TSHZ2: variants seen among roughly 807,000 people sequenced by gnomAD.
TSHZ2 encodes the protein teashirt homolog 2.
A neutral mutation model predicts 74.4 loss-of-function variants in TSHZ2; 21 were observed. The ratio of observed to expected loss-of-function variants is 0.28; its 90% CI spans 0.20 to 0.41. TSHZ2 has a LOEUF of 0.41. TSHZ2 is among the 10% of genes least tolerant of loss of function. The probability of loss-of-function intolerance (pLI) is 1.00; values close to 1 mark genes in which losing one functional copy is unlikely to be tolerated. For synonymous variants in TSHZ2, 540 were observed against 515.3 expected, an observed-to-expected ratio of 1.05 and a Z score of -0.65; for missense variants, 1,244 against 1,293.5, an observed-to-expected ratio of 0.96 and a Z score of 0.59.
At chr20:53,013,989 T>C (rs1982944096) in intron 1 of TSHZ2, among the ~76,000 whole-genome samples, 1 of 152,162 alleles carries the variant, frequency 6.6e-6, no homozygotes, top group African/African-American at 2.4e-5. Context: ...GGGGATGATA[T>C]GAAAGTGAAA....
In TSHZ2 at chr20:53,036,749, T is replaced by C. The variant is rs200551875; in HGVS notation, c.40+63416T>C. On this transcript the variant is annotated intron_variant, in intron 1 of 2. Coordinates refer to ENST00000371497, the MANE Select transcript of TSHZ2 (RefSeq NM_173485.6). Reference sequence around the variant, plus strand: ...GTATTTATAATATATATTATATAATTATATATATTACATAAAGTATATATT... The same window carrying C: ...GTATTTATAATATATATTATATAATCATATATATTACATAAAGTATATATT... Among the ~76,000 whole-genome samples, 68 of 147,908 alleles carry C rather than the reference T, an allele frequency of 4.6e-4. 1 individual carries two copies. In the East Asian group the frequency reaches 0.012, roughly 25 times the overall value.
chr20:53,025,635 G>T (rs1250288848), intron 1 of TSHZ2, among the ~76,000 whole-genome samples: 2 of 152,178 alleles, frequency 1.3e-5, no homozygotes, highest in Non-Finnish European at 2.9e-5. Context: ...CAGGACACCA[G>T]TGTCAACCTG....
intron 1 of TSHZ2, among the ~76,000 whole-genome samples, chr20:53,034,339 T>C (rs1983746312): frequency 6.6e-6 from 1 of 152,198 alleles, no homozygotes; most frequent in South Asian, 2.1e-4. Context: ...ATATTATCAA[T>C]AGCTTTTATT....
At chr20:53,187,364 G>A (rs1443809544) in intron 1 of TSHZ2, among the ~76,000 whole-genome samples, 1 of 152,152 alleles carries the variant, frequency 6.6e-6, no homozygotes, top group Non-Finnish European at 1.5e-5. Context: ...ATATAATATC[G>A]TGTTATCGTT....
At chr20:53,183,592 C>A (rs1988532279) in intron 1 of TSHZ2, among the ~76,000 whole-genome samples, 2 of 152,150 alleles carry the variant, frequency 1.3e-5, no homozygotes, top group Admixed American at 1.3e-4. Context: ...CACAACCACA[C>A]ACACACATAT....
intron 1 of TSHZ2, among the ~76,000 whole-genome samples, chr20:53,202,814 G>A (rs6097297): frequency 6.6e-6 from 1 of 152,160 alleles, no homozygotes; most frequent in Admixed American, 6.5e-5. Context: ...GATGGCTTTA[G>A]GCTTTGGGTT....
intron 2 of TSHZ2, among the ~76,000 whole-genome samples, chr20:53,268,230 G>A (rs1990758257): frequency 6.6e-6 from 1 of 152,194 alleles, no homozygotes; most frequent in South Asian, 2.1e-4. Flanking sequence ...GTTCCATGCA[G>A]AATACGAAAG....
Position 52,972,766 on chromosome 20 carries a change from A to G in TSHZ2, c.-528A>G. The G allele has an allele frequency of 6.2e-6, 1 of 161,550 alleles. No homozygotes were observed. Among genetic ancestry groups the G allele is most frequent in the Non-Finnish European group, 1.3e-5 (1 of 75,472 alleles). The allele number at this position is 161,550 out of a possible 1,614,324, so 10.0% of individuals were successfully genotyped here. On this transcript the variant is annotated 5_prime_UTR_variant, in exon 1 of 3. Transcript: ENST00000371497. ...GAGGAGGTGGAGGAGGAGGAGGAGG[A>G]GGGAAAGAGGAGAAGGAAGAAGAAG...
At chr20:53,316,111 G>A (rs1196515593) in intron 2 of TSHZ2, among the ~76,000 whole-genome samples, 1 of 152,218 alleles carries the variant, frequency 6.6e-6, no homozygotes, top group African/African-American at 2.4e-5. Context: ...CCATTTAAAA[G>A]TTGTGCAAAC....
intron 2 of TSHZ2, among the ~76,000 whole-genome samples, chr20:53,376,523 A>C (rs1026916051): frequency 6.6e-6 from 1 of 152,224 alleles, no homozygotes; most frequent in East Asian, 1.9e-4. Flanking sequence ...ATAATTTATT[A>C]GTATCTCTCA....
intron 2 of TSHZ2, among the ~76,000 whole-genome samples, chr20:53,304,938 C>G (rs1234757410): frequency 8.2e-6 from 1 of 122,588 alleles, no homozygotes; most frequent in Non-Finnish European, 1.8e-5. Flanking sequence ...CCTTAATGAA[C>G]TTTTTTTTTT....
intron 2 of TSHZ2, among the ~76,000 whole-genome samples, chr20:53,478,799 T>C (rs1351177036): frequency 6.6e-6 from 1 of 152,160 alleles, no homozygotes; most frequent in Non-Finnish European, 1.5e-5. Context: ...AACTTCCTTT[T>C]ACCATCCTGA....
intron 1 of TSHZ2, among the ~76,000 whole-genome samples, chr20:53,082,462 C>T (rs984481712): frequency 2.0e-5 from 3 of 152,180 alleles, no homozygotes; most frequent in Admixed American, 2.0e-4. Context: ...ACGCTGATTG[C>T]ATCAAGTACC....
chr20:53,250,073 A>G (rs1990291526), intron 1 of TSHZ2, among the ~76,000 whole-genome samples: 1 of 152,200 alleles, frequency 6.6e-6, no homozygotes, highest in South Asian at 2.1e-4. Flanking sequence ...TGTTCCAGGA[A>G]TGGGGACATC....
At chr20:52,995,740 G>A (rs1272358482) in intron 1 of TSHZ2, among the ~76,000 whole-genome samples, 1 of 151,410 alleles carries the variant, frequency 6.6e-6, no homozygotes, top group Non-Finnish European at 1.5e-5. Context: ...AGCCTCCTGA[G>A]TAGCTGGGAC....
intron 1 of TSHZ2, among the ~76,000 whole-genome samples, chr20:53,183,295 A>G (rs913146824): frequency 2.0e-5 from 3 of 152,182 alleles, no homozygotes; most frequent in Non-Finnish European, 4.4e-5. Flanking sequence ...CTTTGAAGTC[A>G]AGATTGATTG....
chr20:53,458,360 G>C (rs1224076658), intron 2 of TSHZ2, among the ~76,000 whole-genome samples: 1 of 152,024 alleles, frequency 6.6e-6, no homozygotes, highest in Non-Finnish European at 1.5e-5. Context: ...GGTGTTTGTA[G>C]TATTCTCTGA....
At chr20:53,305,455 A>G (rs543386675) in intron 2 of TSHZ2, among the ~76,000 whole-genome samples, 2 of 152,232 alleles carry the variant, frequency 1.3e-5, no homozygotes, top group East Asian at 3.9e-4. Flanking sequence ...TAGGCAGAGA[A>G]GTGCCTGCAC....
chr20:53,476,501 G>C (rs1381828297), intron 2 of TSHZ2, among the ~76,000 whole-genome samples: 1 of 151,432 alleles, frequency 6.6e-6, no homozygotes, highest in Non-Finnish European at 1.5e-5. Context: ...GTATTGATGG[G>C]ACGTATTTCA....
Sources: allele counts gnomAD v4.1 joint callset (sites outside exome capture counted in the v4.1 genomes callset), GRCh38; gene constraint gnomAD v4.1.1; transcripts MANE v1.5; gene names NCBI Gene and HGNC (gene_info 2026-07-23, HGNC 2026-07-21).